CHD5: variants seen among roughly 807,000 people sequenced by gnomAD.
The protein encoded by CHD5 is ATP-dependent chromatin remodeler CHD5.
A neutral mutation model predicts 230.3 loss-of-function variants in CHD5; 69 were observed. That is an observed-to-expected ratio of 0.30 (90% confidence interval 0.25 to 0.37). The LOEUF is 0.37. Among genes scored for constraint, CHD5 ranks in the 10% least tolerant of loss-of-function variants. The pLI is 1.00. For synonymous variants in CHD5, 1,064 were observed against 1,065.9 expected, an observed-to-expected ratio of 1.00 and a Z score of 0.03; for missense variants, 1,827 against 2,622.8, an observed-to-expected ratio of 0.70 and a Z score of 6.63.
intron 38 of CHD5, among the ~76,000 whole-genome samples, chr1:6,107,719 T>TGATGGATGATGGAGAGATGGAGGGAG (rs1666213525): frequency 1.0e-5 from 1 of 99,544 alleles, no homozygotes; most frequent in African/African-American, 4.1e-5. Context: ...GATGGAGGGA[T>TGATGGATGATGGAGAGATGGAGGGAG]GATGGAGGGA....
Position 6,180,206 on chromosome 1 carries a change from T to G in CHD5, c.-183A>C. 9.2e-6 allele frequency: 1 copy of G among 108,984 alleles called. No individual in the cohort carries two copies. 6.8% of individuals were successfully genotyped at this position (108,984 alleles called of 1,614,324 possible). On this transcript the variant is annotated 5_prime_UTR_variant, in exon 1 of 42. Transcript: ENST00000262450. ...CCCCCCGTCTCGACCCCCCTTTCTC[T>G]CGGCCGCCTTAGCCTGCTCCCCGCA...
At chr1:6,171,445 T>C (rs1176347535) in intron 1 of CHD5, among the ~76,000 whole-genome samples, 5 of 151,896 alleles carry the variant, frequency 3.3e-5, no homozygotes, top group Non-Finnish European at 5.9e-5. Flanking sequence ...GCCCTTCCTC[T>C]CCCCAGATGG....
Position 6,149,119 on chromosome 1 carries a change from G to A in CHD5, c.1162-44C>T, listed in dbSNP as rs757259834. 4.8e-6 allele frequency: 7 copies of A among 1,469,148 alleles called. No homozygotes were observed. In the Admixed American group the frequency reaches 9.7e-5, roughly 20 times the overall value. 91.0% of individuals were successfully genotyped at this position (1,469,148 alleles called of 1,614,324 possible). A position where few individuals can be genotyped will look rare whatever the true frequency, so the allele number is the denominator to read the frequency against. On this transcript the variant is annotated intron_variant, in intron 8 of 41. Coordinates refer to ENST00000262450, the MANE Select transcript of CHD5 (RefSeq NM_015557.3). ...TGGAGGCACCCTGGGCGGGGTCCCCGCTCCACCAGGCCCGACTCCCTCCCT... is the reference window on the plus strand; with the variant it reads ...TGGAGGCACCCTGGGCGGGGTCCCCACTCCACCAGGCCCGACTCCCTCCCT...
chr1:6,174,560 C>T (rs1474455894), intron 1 of CHD5, among the ~76,000 whole-genome samples: 4 of 118,992 alleles, frequency 3.4e-5, no homozygotes, highest in Admixed American at 8.6e-5. Flanking sequence ...GGACACTGGA[C>T]GGATGGTGGA....
chr1:6,106,378 A>G lies in CHD5; in HGVS notation c.5857+17T>C. The G allele has an allele frequency of 6.2e-7, 1 of 1,607,226 alleles. No individual in the cohort carries two copies. The highest frequency in any genetic ancestry group is 8.5e-7 in the Non-Finnish European group (1 of 1,177,130). On this transcript the variant is annotated intron_variant, in intron 40 of 41. Transcript: ENST00000262450. ...GGGCACCCGTGTGCATGCTGCCCGGAGCGGACGGGCACCTACCGGTCACAT... is the reference window on the plus strand; with the variant it reads ...GGGCACCCGTGTGCATGCTGCCCGGGGCGGACGGGCACCTACCGGTCACAT...
In CHD5 at chr1:6,152,427, C is replaced by G; in HGVS notation, c.855G>C (p.Arg285Ser). 1 of 1,613,958 alleles carries G rather than the reference C, an allele frequency of 6.2e-7. No individual in the cohort carries two copies. The highest frequency in any genetic ancestry group is 1.1e-5 in the South Asian group (1 of 91,066). Residue 285 changes from arginine (R) to serine (S), a missense_variant, in exon 6 of 42, where the codon AGG becomes AGC. By Grantham distance (110) the Arg-to-Ser change is moderately radical. Transcript: ENST00000262450. Reference protein sequence around the residue: ...KFRFGGISNKRKKGSSSEEDE... With the variant: ...KFRFGGISNKSKKGSSSEEDE... Reference sequence around the variant, plus strand: ...ACACACTCACCGAGGAGCCTTTCTTCCTCTTGTTGCTGATCCCCCCGAAGC... The same window carrying G: ...ACACACTCACCGAGGAGCCTTTCTTGCTCTTGTTGCTGATCCCCCCGAAGC...
Position 6,142,319 on chromosome 1 carries a change from T to G in CHD5, c.2245A>C (p.Lys749Gln), listed in dbSNP as rs965925767. 6.2e-7 allele frequency: 1 copy of G among 1,607,832 alleles called. No homozygotes were observed. ...GGCGCGCTAACCAGGTAGGGCCCTT[T>G]GGAGTGGCCCTGGAGAGAGAGGCCG... ...LYSLYKEGHSKGPYLVSAPLS... is the reference protein window; with the variant it reads ...LYSLYKEGHSQGPYLVSAPLS... The change falls in exon 15 of 42, where the codon AAA (lysine) becomes CAA (glutamine). Residue 749 changes from lysine to glutamine, a missense_variant. Lys to Gln is a moderately conservative substitution (Grantham distance 53). This residue lies in a region of CHD5 where 37 missense variants were observed against 105.7 expected (regional missense o/e 0.35). Transcript: ENST00000262450. This position sits in a 1 kb window ranked among gnomAD's most constrained non-coding sequence, Gnocchi z 5.2.
In CHD5 at chr1:6,135,294, C is replaced by T. The variant is rs143566579; in HGVS notation, c.2806G>A (p.Val936Met). The T allele has an allele frequency of 5.6e-6, 9 of 1,614,162 alleles. No homozygotes were observed. Among genetic ancestry groups the T allele is most frequent in the East Asian group, 4.5e-5 (2 of 44,870 alleles). Residue 936 changes from valine to methionine, a missense_variant, in exon 18 of 42, where the codon GTG (valine) becomes ATG (methionine). Physicochemically the swap from Val to Met is conservative, Grantham distance 21. Transcript: ENST00000262450. ...GTCTTGGCCGGCATGTTCTTGAACA[C>T]GTCAGCCTTGAGCCGCCTGAGCATG... is the stretch of plus-strand genomic sequence containing the variant. ...PHMLRRLKADVFKNMPAKTEL... is the reference protein window; with the variant it reads ...PHMLRRLKADMFKNMPAKTEL...
chr1:6,143,754 G>A lies in CHD5; in HGVS notation c.2043+69C>T, dbSNP rs1666867456. The A allele has an allele frequency of 6.0e-6, 8 of 1,342,044 alleles. No homozygotes were observed. In the South Asian group the frequency reaches 7.0e-5, roughly 12 times the overall value. 83.1% of individuals were successfully genotyped at this position (1,342,044 alleles called of 1,614,324 possible). Reference sequence around the variant, plus strand: ...ATCCTTTTGAGAACACACACCCCCTGCACATTCAAGTCTGAGGTGGGCAGG... The same window carrying A: ...ATCCTTTTGAGAACACACACCCCCTACACATTCAAGTCTGAGGTGGGCAGG... On this transcript the variant is annotated intron_variant, in intron 13 of 41. Transcript: ENST00000262450.
At chr1:6,158,958 G>C (rs1428807572) in intron 3 of CHD5, among the ~76,000 whole-genome samples, 2 of 123,198 alleles carry the variant, frequency 1.6e-5, no homozygotes, top group Non-Finnish European at 3.2e-5. Context: ...AGTGAGCCGA[G>C]ATCCCGCCAC....
intron 2 of CHD5, 21 bp downstream of exon 2, chr1:6,168,128 CG>C: frequency 6.3e-7 from 1 of 1,585,328 alleles, no homozygotes; most frequent in East Asian, 2.3e-5. Context: ...CCAAGCTCGC[CG>C]GCGCAGGTGC....
rs143596318 is a variant in CHD5, at chr1:6,148,457, C to T, written c.1383+397G>A. Among the ~76,000 whole-genome samples, 95 of 152,300 alleles carry T rather than the reference C, an allele frequency of 6.2e-4. 2 individuals carry two copies. Among genetic ancestry groups the T allele is most frequent in the Admixed American group, 4.0e-3 (61 of 15,294 alleles). On this transcript the variant is annotated intron_variant, in intron 9 of 41. Transcript: ENST00000262450. ...GGCCTTAGGCAGGTCACTCTGCTTCCCTGAGCATCAGTTTTCTCATCTAAA... is the reference window on the plus strand; with the variant it reads ...GGCCTTAGGCAGGTCACTCTGCTTCTCTGAGCATCAGTTTTCTCATCTAAA...
chr1:6,110,063 C>T, intron 37 of CHD5, 73 bp from the exon 38 acceptor site: 2 of 1,328,546 alleles, frequency 1.5e-6, no homozygotes, highest in East Asian at 5.0e-5. Context: ...CCAGCGCCCA[C>T]CCCAGGCCAA....
rs1384475411 is a variant in CHD5, at chr1:6,110,427, C to T, written c.5349G>A (p.Glu1783=). The T allele has an allele frequency of 1.2e-6, 2 of 1,613,964 alleles. No homozygotes were observed. The highest frequency in any genetic ancestry group is 2.2e-5 in the East Asian group (1 of 44,892). ...KSEVHKGNYL[E]MKNKFLARRF... ...TGCGGGCCAGGAACTTGTTCTTCAT[C>T]TCCAGGTAGTTGCCCTTGTGGACCT... Residue 1783 remains glutamate (E), a synonymous_variant, in exon 37 of 42, where the codon GAG becomes GAA. Transcript: ENST00000262450.
intron 33 of CHD5, among the ~76,000 whole-genome samples, chr1:6,117,422 C>A (rs1262092299): frequency 2.6e-5 from 4 of 152,144 alleles, no homozygotes; most frequent in Middle Eastern, 3.4e-3. Flanking sequence ...ATATAAAGAA[C>A]TCATACAAGC....
intron 37 of CHD5, 107 bp from the exon 38 acceptor site, chr1:6,110,097 A>T (rs1379709631): frequency 4.4e-6 from 5 of 1,127,350 alleles, no homozygotes; most frequent in South Asian, 1.6e-5. Flanking sequence ...AAGGAGGGAA[A>T]GAGGACGTAC....
At chr1:6,176,934 G>A (rs1434624580) in intron 1 of CHD5, among the ~76,000 whole-genome samples, 1 of 152,136 alleles carries the variant, frequency 6.6e-6, no homozygotes, top group African/African-American at 2.4e-5. Context: ...CCAACCAGAA[G>A]AGGCACCCGC....
chr1:6,176,976 C>A (rs1343841150), intron 1 of CHD5, among the ~76,000 whole-genome samples: 1 of 152,238 alleles, frequency 6.6e-6, no homozygotes, highest in Non-Finnish European at 1.5e-5. Context: ...GGCTCAGACA[C>A]CTGCCTCAAT....
intron 1 of CHD5, among the ~76,000 whole-genome samples, chr1:6,168,786 A>G (rs1667291975): frequency 6.6e-6 from 1 of 152,168 alleles, no homozygotes; most frequent in Non-Finnish European, 1.5e-5. Flanking sequence ...TGGGAGGCTG[A>G]GGCGAGCAGA....
Sources: gnomAD v4.1 joint callset for allele counts (sites outside exome capture counted in the v4.1 genomes callset) on GRCh38, gnomAD v4.1.1 for gene constraint, gnomAD v4.1.1 regional missense constraint, Gnocchi (gnomAD v3.1) non-coding constraint, MANE v1.5 for transcripts, NCBI Gene and HGNC (gene_info 2026-07-23, HGNC 2026-07-21) for gene names.